Variants in OLAH observed in about 807,000 individuals in gnomAD.
OLAH encodes oleoyl-ACP hydrolase.
In OLAH, 33 loss-of-function variants were observed where a neutral mutation model predicts 27.8. That is an observed-to-expected ratio of 1.19 (90% CI 0.90 to 1.59). The LOEUF (loss-of-function observed/expected upper bound fraction) is 1.59. OLAH is among the 40% of genes most tolerant of loss of function. OLAH has a pLI of 0.00. For synonymous variants in OLAH, 120 were observed against 102.9 expected (o/e 1.17, Z -1.01); for missense variants, 359 against 310.8 (o/e 1.16, Z -1.17).
At chr10:15,052,894 C>T (rs1844174302) in intron 3 of OLAH, among the ~76,000 whole-genome samples, 1 of 151,774 alleles carries the variant, frequency 6.6e-6, no homozygotes, top group Non-Finnish European at 1.5e-5. Flanking sequence ...AGGCATGCAC[C>T]ACCATGGCTG....
In OLAH at chr10:15,061,745, G is replaced by C. The variant is rs150137442; in HGVS notation, c.185G>C (p.Gly62Ala). Residue 62 changes from glycine (G) to alanine (A), a missense_variant, in exon 4 of 8, where the codon GGA becomes GCA. Physicochemically the swap from Gly to Ala is moderately conservative, Grantham distance 60 (BLOSUM62 0). Coordinates refer to ENST00000378228, the MANE Select transcript of OLAH (RefSeq NM_001039702.3). ...CCAGTGCACTCCTTAAGGCTTCCTG[G>C]AAGAGAAAGCAGAGTTGAAGAACCT... ...LLEVHSLRLP[G>A]RESRVEEPLE... 2.2e-4 allele frequency: 361 copies of C among 1,612,780 alleles called. No individual in the cohort carries two copies. Among genetic ancestry groups the C allele is most frequent in the South Asian group, 2.4e-4 (22 of 90,838 alleles).
intron 2 of OLAH, among the ~76,000 whole-genome samples, chr10:15,049,382 C>T (rs1045993516): frequency 4.6e-5 from 7 of 152,106 alleles, no homozygotes; most frequent in African/African-American, 1.7e-4. Context: ...GATCCTCCTC[C>T]TTGGCCTCCC....
intron 4 of OLAH, among the ~76,000 whole-genome samples, chr10:15,063,396 G>A (rs933025828): frequency 6.6e-6 from 1 of 152,200 alleles, no homozygotes; most frequent in Non-Finnish European, 1.5e-5. Context: ...CTCTCAAAAT[G>A]TTGGGATCAC....
intron 1 of OLAH, among the ~76,000 whole-genome samples, chr10:15,032,817 TTC>T (rs1843780351): frequency 6.6e-6 from 1 of 152,146 alleles, no homozygotes; most frequent in Non-Finnish European, 1.5e-5. Context: ...GGCCCCATAT[TTC>T]TGCCTCCAGC....
intron 3 of OLAH, among the ~76,000 whole-genome samples, chr10:15,056,024 A>G (rs754414679): frequency 4.6e-5 from 7 of 151,718 alleles, no homozygotes; most frequent in Non-Finnish European, 8.8e-5. Context: ...TAATTTTTGT[A>G]TTTTTAGTAG....
intron 6 of OLAH, chr10:15,071,397 G>T: frequency 2.4e-6 from 1 of 414,706 alleles, no homozygotes; most frequent in Non-Finnish European, 3.2e-6. Context: ...CTGAGCCTCT[G>T]ACTCAATAAA....
intron 3 of OLAH, among the ~76,000 whole-genome samples, chr10:15,054,521 G>A (rs944941145): frequency 2.6e-5 from 4 of 152,030 alleles, no homozygotes; most frequent in Non-Finnish European, 5.9e-5. Flanking sequence ...ATTAAATATT[G>A]ATTATTTTCC....
In OLAH at chr10:15,073,774, C is replaced by G. The variant is rs1315436195; in HGVS notation, c.*545C>G. The G allele has an allele frequency of 1.3e-5, 2 of 151,964 alleles. No individual in the cohort carries two copies. Among genetic ancestry groups the G allele is most frequent in the African/African-American group, 4.8e-5 (2 of 41,366 alleles). 9.4% of individuals were successfully genotyped at this position (151,964 alleles called of 1,614,324 possible). ...ACAAAATTCATGATTAGTAAATTAT[C>G]CATTTTTTCCTTCAGTTAGTTTAAT... On this transcript the variant is annotated 3_prime_UTR_variant, in exon 8 of 8. Transcript: ENST00000378228.
At position 15,064,358 on chromosome 10, in the gene OLAH, G is replaced by A. The variant is rs41302980; in HGVS notation, c.303-45G>A. On this transcript the variant is annotated intron_variant, in intron 4 of 7. Transcript: ENST00000378228. ...TTTGACTTTCGGTGGATCATCACGA[G>A]TTTTGCTTAACAGTTCTTGTCATGT... is the stretch of plus-strand genomic sequence containing the variant. The A allele has an allele frequency of 3.9e-3, 4,515 of 1,170,106 alleles. 10 individuals are homozygous for A. Among genetic ancestry groups the A allele is most frequent in the Non-Finnish European group, 5.1e-3 (4,036 of 794,564 alleles). 72.5% of individuals were successfully genotyped at this position (1,170,106 alleles called of 1,614,324 possible). A position where few individuals can be genotyped will look rare whatever the true frequency, so the allele number is the denominator to read the frequency against.
At chr10:15,047,079 C>T in intron 1 of OLAH, 47 bp from the exon 2 acceptor site, 1 of 456,628 alleles carries the variant, frequency 2.2e-6, no homozygotes, top group Non-Finnish European at 3.9e-6. Context: ...TTTTTCTCTT[C>T]TCTGTCTTCT....
intron 3 of OLAH, among the ~76,000 whole-genome samples, chr10:15,061,069 T>C (rs1488596330): frequency 2.6e-5 from 4 of 152,210 alleles, no homozygotes; most frequent in Non-Finnish European, 5.9e-5. Flanking sequence ...TCACTTTCTA[T>C]AAATTTGAAG....
chr10:15,037,980 CTT>C (rs1478263787), intron 1 of OLAH, among the ~76,000 whole-genome samples: 1 of 152,258 alleles, frequency 6.6e-6, no homozygotes, highest in African/African-American at 2.4e-5. Context: ...ACTGCAGGTG[CTT>C]GCGAATCTTG....
At chr10:15,071,989 A>G (rs755028652) in intron 7 of OLAH, 112 bp downstream of exon 7, 5 of 710,338 alleles carry the variant, frequency 7.0e-6, no homozygotes, top group Non-Finnish European at 1.2e-5. Context: ...GCTGGAGTGC[A>G]ATGGCGCAAT....
chr10:15,042,692 T>G (rs1843940412), upstream of OLAH, among the ~76,000 whole-genome samples: 1 of 152,142 alleles, frequency 6.6e-6, no homozygotes, highest in African/African-American at 2.4e-5. Context: ...CAATTCCTAC[T>G]GGTTTCATGG....
At position 15,071,872 on chromosome 10, in the gene OLAH, T is replaced by C; in HGVS notation, c.650T>C (p.Met217Thr). Residue 217 changes from methionine to threonine, a missense_variant, in exon 7 of 8, where the codon ATG becomes ACG. Physicochemically the swap from Met to Thr is moderately conservative, Grantham distance 81 (BLOSUM62 -1). Coordinates refer to ENST00000378228, the MANE Select transcript of OLAH (RefSeq NM_001039702.3). Reference protein sequence around the residue: ...FVGSEDIAKDMEAWKDVTSGN... With the variant: ...FVGSEDIAKDTEAWKDVTSGN... ...GGATCTGAAGACATAGCAAAGGACA[T>C]GGAAGGTGAAATTATTTTTAGTCTC... is the stretch of plus-strand genomic sequence containing the variant. 6.2e-7 allele frequency: 1 copy of C among 1,608,362 alleles called. No homozygotes were observed. The highest frequency in any genetic ancestry group is 8.5e-7 in the Non-Finnish European group (1 of 1,174,726).
chr10:15,056,873 A>G, intron 3 of OLAH: 1 of 1,531,452 alleles, frequency 6.5e-7, no homozygotes. Context: ...TCCGGCGCTC[A>G]AGTGATCCTC....
chr10:15,049,130 G>T (rs955950918), intron 2 of OLAH, among the ~76,000 whole-genome samples: 17 of 49,406 alleles, frequency 3.4e-4, no homozygotes, highest in Non-Finnish European at 4.2e-4. Flanking sequence ...TGGAGACTAT[G>T]TCTCCAAAAA....
At chr10:15,063,948 A>C (rs933045534) in intron 4 of OLAH, among the ~76,000 whole-genome samples, 2 of 152,216 alleles carry the variant, frequency 1.3e-5, no homozygotes, top group East Asian at 1.9e-4. Context: ...CACATGTCAT[A>C]TAGCTTCTGG....
intron 7 of OLAH, among the ~76,000 whole-genome samples, chr10:15,072,467 A>T (rs1200075919): frequency 6.6e-6 from 1 of 152,192 alleles, no homozygotes; most frequent in African/African-American, 2.4e-5. Flanking sequence ...AGAGTTAAAG[A>T]AAGAGGAAAG....
Sources: allele counts gnomAD v4.1 joint callset (sites outside exome capture counted in the v4.1 genomes callset), GRCh38; gene constraint gnomAD v4.1.1; transcripts MANE v1.5; gene names NCBI Gene and HGNC (gene_info 2026-07-23, HGNC 2026-07-21).